Variants in PDIK1L observed in about 807,000 individuals in gnomAD.
PDIK1L encodes the protein serine/threonine-protein kinase PDIK1L.
PDIK1L carries 9 observed loss-of-function variants against 27.1 expected under a neutral mutation model. That is an observed-to-expected ratio of 0.33 (90% CI 0.20 to 0.58). PDIK1L has a LOEUF of 0.58. PDIK1L is among the 20% of genes least tolerant of loss of function. PDIK1L has a pLI of 0.86. For synonymous variants in PDIK1L, 130 were observed against 141.7 expected, an observed-to-expected ratio of 0.92 and a Z score of 0.59; for missense variants, 216 against 413.2, an observed-to-expected ratio of 0.52 and a Z score of 4.14.
chr1:26,120,585 C>T (rs2087962328), intron 2 of PDIK1L, among the ~76,000 whole-genome samples: 1 of 152,216 alleles, frequency 6.6e-6, no homozygotes, highest in African/African-American at 2.4e-5. Context: ...TTCATTCACT[C>T]TTCAGCAACT....
In PDIK1L at chr1:26,121,962, T is replaced by C. The variant is rs752390014; in HGVS notation, c.411T>C (p.Asn137=). Residue 137 remains asparagine (N), a synonymous_variant, in exon 3 of 3, where the codon AAT becomes AAC. Coordinates refer to ENST00000374269, the MANE Select transcript of PDIK1L (RefSeq NM_152835.5). ...MNEYLLSRKP[N]RKTNTSFMLQ... is the part of the protein sequence containing the mutation. ...AGTATCTGTTGTCCAGGAAACCCAA[T>C]CGTAAAACTAACACCAGCTTCATGC... 5.6e-6 allele frequency: 9 copies of C among 1,614,154 alleles called. No homozygotes were observed. Among genetic ancestry groups the C allele is most frequent in the Middle Eastern group, 3.3e-4 (2 of 6,062 alleles).
intron 1 of PDIK1L, among the ~76,000 whole-genome samples, chr1:26,113,608 TAG>T (rs1218536851): frequency 6.6e-6 from 1 of 151,460 alleles, no homozygotes. Flanking sequence ...TATGAATAGA[TAG>T]AGTTTGGCCA....
At chr1:26,120,050 G>A (rs1043935611) in intron 2 of PDIK1L, among the ~76,000 whole-genome samples, 5 of 152,222 alleles carry the variant, frequency 3.3e-5, no homozygotes, top group Non-Finnish European at 1.5e-5. Context: ...TCCTCTACAT[G>A]TTAAAATAAG....
rs2088013013 is a variant in PDIK1L, at chr1:26,122,849, G to C, written c.*272G>C. ...GAAAATTCTTTAAGAGCTAACAAGA[G>C]AAGAGAGTCCAGTTTTCTGGAAATA... On this transcript the variant is annotated 3_prime_UTR_variant, in exon 3 of 3. Transcript: ENST00000374269. The surrounding 1 kb of genome is among the most constrained non-coding windows in gnomAD (Gnocchi z 5.4). 7.7e-6 allele frequency: 2 copies of C among 259,890 alleles called. No homozygotes were observed. The highest frequency in any genetic ancestry group is 1.4e-4 in the East Asian group (2 of 14,048). The allele number at this position is 259,890 out of a possible 1,614,324, so 16.1% of individuals were successfully genotyped here. A position where few individuals can be genotyped will look rare whatever the true frequency, so the allele number is the denominator to read the frequency against.
At position 26,122,405 on chromosome 1, in the gene PDIK1L, A is replaced by G. The variant is rs1385687024; in HGVS notation, c.854A>G (p.Glu285Gly). 1 of 1,614,196 alleles carries G rather than the reference A, an allele frequency of 6.2e-7. No individual in the cohort carries two copies. Among genetic ancestry groups the G allele is most frequent in the Non-Finnish European group, 8.5e-7 (1 of 1,180,018 alleles). Residue 285 changes from glutamate (E) to glycine (G), a missense_variant, in exon 3 of 3, where the codon GAA becomes GGA. Transcript: ENST00000374269. This position sits in a 1 kb window ranked among gnomAD's most constrained non-coding sequence, Gnocchi z 5.4. The part of the protein sequence containing the change: ...EIVPVGEALL[E>G]NPKMELLIPV... ...GTGCCTGTTGGGGAGGCACTTCTGG[A>G]AAATCCCAAAATGGAACTTCTCATT...
chr1:26,114,414 G>C lies in PDIK1L; in HGVS notation c.106G>C (p.Val36Leu). The C allele has an allele frequency of 6.2e-7, 1 of 1,614,094 alleles. No individual in the cohort carries two copies. Among genetic ancestry groups the C allele is most frequent in the Non-Finnish European group, 8.5e-7 (1 of 1,179,988 alleles). Residue 36 changes from valine to leucine, a missense_variant, in exon 2 of 3, where the codon GTG (valine) becomes CTG (leucine). Around this residue, in one of 2 missense-constraint regions of PDIK1L, gnomAD observed 47 missense variants for 47.2 expected, o/e 1.00. Transcript: ENST00000374269. The surrounding 1 kb of genome is among the most constrained non-coding windows in gnomAD (Gnocchi z 4.8). ...CAGAAAGACCTCTGCACGGGTGGCA[G>C]TGAAGAAAATTCGATGTCACGCACC... ...VIRKTSARVA[V>L]KKIRCHAPEN...
intron 2 of PDIK1L, among the ~76,000 whole-genome samples, chr1:26,118,820 A>G (rs760632988): frequency 1.3e-5 from 2 of 152,206 alleles, no homozygotes; most frequent in African/African-American, 2.4e-5. Flanking sequence ...AGTAAAGACA[A>G]ACAAATCTGT....
chr1:26,122,015 T>G lies in PDIK1L; in HGVS notation c.464T>G (p.Leu155Trp). 1 of 1,614,130 alleles carries G rather than the reference T, an allele frequency of 6.2e-7. No homozygotes were observed. The change falls in exon 3 of 3, where the codon TTG becomes TGG. Residue 155 changes from leucine to tryptophan, a missense_variant. Transcript: ENST00000374269. This position sits in a 1 kb window ranked among gnomAD's most constrained non-coding sequence, Gnocchi z 5.4. ...CAGCTGAGCAGTGCCCTGGCTTTCTTGCATAAAAACCAGATCATCCACCGA... is the reference window on the plus strand; with the variant it reads ...CAGCTGAGCAGTGCCCTGGCTTTCTGGCATAAAAACCAGATCATCCACCGA... ...MLQLSSALAF[L>W]HKNQIIHRDL...
In PDIK1L at chr1:26,124,814, T is replaced by C. The variant is rs929578762; in HGVS notation, c.*2237T>C. On this transcript the variant is annotated 3_prime_UTR_variant, in exon 3 of 3. Transcript: ENST00000374269. ...AGAGGTATTTATTAAGTACCTACTGTGTGCTCAGCACTAAAGGTTTGTTGA... is the reference window on the plus strand; with the variant it reads ...AGAGGTATTTATTAAGTACCTACTGCGTGCTCAGCACTAAAGGTTTGTTGA... The C allele has an allele frequency of 3.3e-5, 5 of 152,188 alleles. No individual in the cohort carries two copies. Among genetic ancestry groups the C allele is most frequent in the Non-Finnish European group, 7.4e-5 (5 of 68,012 alleles). 9.4% of individuals were successfully genotyped at this position (152,188 alleles called of 1,614,324 possible).
upstream of PDIK1L, chr1:26,111,554 G>A (rs1557592174): frequency 6.6e-6 from 1 of 151,228 alleles, no homozygotes; most frequent in East Asian, 2.0e-4. This position sits in a 1 kb window ranked among gnomAD's most constrained non-coding sequence, Gnocchi z 4.0. Flanking sequence ...GAGGGTGGCC[G>A]AGCCCCGGCG....
intron 2 of PDIK1L, among the ~76,000 whole-genome samples, chr1:26,120,129 T>G (rs1318012897): frequency 6.6e-6 from 1 of 152,212 alleles, no homozygotes; most frequent in African/African-American, 2.4e-5. Context: ...ATGGTTTCGA[T>G]GCTAAAAATA....
Position 26,125,533 on chromosome 1 carries a change from C to CA in PDIK1L, c.*2966dup, listed in dbSNP as rs140163051. Reference sequence around the variant, plus strand: ...TTTTTTTAAATAAAGTGAGTTTCAACAAAAAAAAAACTGAAAATTCTACAT... The same window carrying CA: ...TTTTTTTAAATAAAGTGAGTTTCAACAAAAAAAAAAACTGAAAATTCTACAT... On this transcript the variant is annotated 3_prime_UTR_variant, in exon 3 of 3. Coordinates refer to ENST00000374269, the MANE Select transcript of PDIK1L (RefSeq NM_152835.5). The CA allele has an allele frequency of 0.012, 1,687 of 143,606 alleles. 12 individuals are homozygous for CA. The highest frequency in any genetic ancestry group is 0.025 in the Middle Eastern group (7 of 280). The allele number at this position is 143,606 out of a possible 1,614,324, so 8.9% of individuals were successfully genotyped here.
In PDIK1L at chr1:26,122,721, T is replaced by C. The variant is rs978948847; in HGVS notation, c.*144T>C. The C allele has an allele frequency of 2.9e-6, 3 of 1,044,870 alleles. No individual in the cohort carries two copies. The African/African-American group carries it at 4.9e-5, about 17-fold the overall frequency. The allele number at this position is 1,044,870 out of a possible 1,614,324, so 64.7% of individuals were successfully genotyped here. ...TTTGTGGGATTTTTTTTTTCCTCAT[T>C]TTTCTTAAATCCAAGTTGGCCGTTT... is the stretch of plus-strand genomic sequence containing the variant. On this transcript the variant is annotated 3_prime_UTR_variant, in exon 3 of 3. Transcript: ENST00000374269. This position sits in a 1 kb window ranked among gnomAD's most constrained non-coding sequence, Gnocchi z 5.4.
At position 26,114,127 on chromosome 1, in the gene PDIK1L, T is replaced by G. The variant is rs1215447512; in HGVS notation, c.-17-165T>G. ...CTGATACATGGTAAATACTACCTGT[T>G]AGCTTTATTGTTACTATTCTTAAAA... On this transcript the variant is annotated intron_variant, in intron 1 of 2. Coordinates refer to ENST00000374269, the MANE Select transcript of PDIK1L (RefSeq NM_152835.5). The surrounding 1 kb of genome is among the most constrained non-coding windows in gnomAD (Gnocchi z 4.8). Among the ~76,000 whole-genome samples, 1 of 152,206 alleles carries G rather than the reference T, an allele frequency of 6.6e-6. No individual in the cohort carries two copies. The highest frequency in any genetic ancestry group is 1.5e-5 in the Non-Finnish European group (1 of 68,042).
In PDIK1L at chr1:26,114,524, A is replaced by G; in HGVS notation, c.216A>G (p.Glu72=). 1 of 1,614,164 alleles carries G rather than the reference A, an allele frequency of 6.2e-7. No individual in the cohort carries two copies. Among genetic ancestry groups the G allele is most frequent in the Non-Finnish European group, 8.5e-7 (1 of 1,179,998 alleles). The change falls in exon 2 of 3, where the codon GAA becomes GAG. Residue 72 remains glutamate, a synonymous_variant. Coordinates refer to ENST00000374269, the MANE Select transcript of PDIK1L (RefSeq NM_152835.5). This position sits in a 1 kb window ranked among gnomAD's most constrained non-coding sequence, Gnocchi z 4.8. ...ATCCAAATGTGATTCACTTGGAGGAATGCATCCTACAAAAGGATGGGATGG... is the reference window on the plus strand; with the variant it reads ...ATCCAAATGTGATTCACTTGGAGGAGTGCATCCTACAAAAGGATGGGATGG... The part of the protein sequence containing the change: ...SQHPNVIHLE[E]CILQKDGMVQ...
intron 2 of PDIK1L, among the ~76,000 whole-genome samples, chr1:26,115,814 A>T (rs1193671992): frequency 6.6e-6 from 1 of 151,438 alleles, no homozygotes; most frequent in Admixed American, 6.6e-5. Context: ...AAAAAAAAAC[A>T]AAAAGAAACT....
rs1317700773 is a variant in PDIK1L at position 26,124,561 on chromosome 1, T to G, written c.*1984T>G. 1.3e-5 allele frequency: 2 copies of G among 152,234 alleles called. No homozygotes were observed. The highest frequency in any genetic ancestry group is 4.8e-5 in the African/African-American group (2 of 41,472). The allele number at this position is 152,234 out of a possible 1,614,324, so 9.4% of individuals were successfully genotyped here. On this transcript the variant is annotated 3_prime_UTR_variant, in exon 3 of 3. Coordinates refer to ENST00000374269, the MANE Select transcript of PDIK1L (RefSeq NM_152835.5). ...ATCATTTGCTCTTCAAATATCTATGTGCTTGGAGCCACAGTTTCCTAAGCG... is the reference window on the plus strand; with the variant it reads ...ATCATTTGCTCTTCAAATATCTATGGGCTTGGAGCCACAGTTTCCTAAGCG...
intron 1 of PDIK1L, among the ~76,000 whole-genome samples, chr1:26,113,993 C>T (rs2087841366): frequency 1.3e-5 from 2 of 152,198 alleles, no homozygotes; most frequent in South Asian, 2.1e-4. Flanking sequence ...TTTCATTTAA[C>T]CTCTCCATTA....
intron 2 of PDIK1L, among the ~76,000 whole-genome samples, chr1:26,115,815 A>G (rs925658091): frequency 6.6e-6 from 1 of 151,876 alleles, no homozygotes; most frequent in African/African-American, 2.4e-5. Flanking sequence ...AAAAAAAACA[A>G]AAAGAAACTA....
Sources: allele counts gnomAD v4.1 joint callset (sites outside exome capture counted in the v4.1 genomes callset), GRCh38; gene constraint gnomAD v4.1.1; regional missense constraint gnomAD v4.1.1; non-coding constraint Gnocchi (gnomAD v3.1); transcripts MANE v1.5; gene names NCBI Gene and HGNC (gene_info 2026-07-23, HGNC 2026-07-21).